The following LRP1B variants were observed in gnomAD, a reference collection of about 807,000 sequenced individuals.
LRP1B encodes the protein low-density lipoprotein receptor-related protein 1B.
A neutral mutation model predicts 556.6 loss-of-function variants in LRP1B; 217 were observed. That is an observed-to-expected ratio of 0.39 (90% CI 0.35 to 0.44). The LOEUF (loss-of-function observed/expected upper bound fraction) is 0.44, where lower values mean the gene tolerates loss of function less well. Ranked by LOEUF, LRP1B falls within the 20% of genes least tolerant of loss-of-function variation. The pLI, the probability that LRP1B is intolerant of heterozygous loss-of-function variation, is 1.00. For missense variants in LRP1B, 5,053 were observed against 5,620.8 expected (o/e 0.90, Z 3.23); for synonymous variants, 2,047 against 1,865.8 (o/e 1.10, Z -2.50).
chr2:141,564,593 C>T (rs1381371947), intron 2 of LRP1B, among the ~76,000 whole-genome samples: 1 of 152,024 alleles, frequency 6.6e-6, no homozygotes. Context: ...TGTAAATTCT[C>T]CTGTTATGAT....
intron 31 of LRP1B, among the ~76,000 whole-genome samples, chr2:140,835,310 A>G (rs1691861677): frequency 6.6e-6 from 1 of 152,194 alleles, no homozygotes; most frequent in South Asian, 2.1e-4. Flanking sequence ...AAAGGAAACT[A>G]AACGTCTGAC....
At chr2:140,386,479 T>A (rs1026520456) in intron 66 of LRP1B, among the ~76,000 whole-genome samples, 3 of 152,216 alleles carry the variant, frequency 2.0e-5, no homozygotes, top group African/African-American at 4.8e-5. Flanking sequence ...AACTGATCTG[T>A]GATTAGTTGT....
rs1204182654 is a variant in LRP1B at position 140,233,085 on chromosome 2, A to G, written c.*101T>C. On this transcript the variant is annotated 3_prime_UTR_variant, in exon 91 of 91. Transcript: ENST00000389484. ...AATTAACCAGGAAAAAGATAAAGAAAGAGGTAATGCTGATGCCAAAACAAG... is the reference window on the plus strand; with the variant it reads ...AATTAACCAGGAAAAAGATAAAGAAGGAGGTAATGCTGATGCCAAAACAAG... 1.4e-6 allele frequency: 1 copy of G among 691,602 alleles called. No homozygotes were observed. Among genetic ancestry groups the G allele is most frequent in the Non-Finnish European group, 2.1e-6 (1 of 468,656 alleles). The allele number at this position is 691,602 out of a possible 1,614,324, so 42.8% of individuals were successfully genotyped here.
chr2:140,434,060 TTTTATTTA>T (rs370242463), intron 66 of LRP1B, among the ~76,000 whole-genome samples: 3 of 151,688 alleles, frequency 2.0e-5, no homozygotes, highest in Non-Finnish European at 4.4e-5. Flanking sequence ...TCTTTCTTTC[TTTTATTTA>T]TTTATTTTTT....
chr2:140,907,013 C>T (rs1481466643), intron 22 of LRP1B, among the ~76,000 whole-genome samples: 1 of 150,626 alleles, frequency 6.6e-6, no homozygotes. Flanking sequence ...ATTCAGTATG[C>T]TATTAATGCT....
chr2:142,003,597 A>G (rs537080396), intron 1 of LRP1B, among the ~76,000 whole-genome samples: 13 of 152,298 alleles, frequency 8.5e-5, no homozygotes, highest in African/African-American at 2.9e-4. Context: ...TTAAAACTGA[A>G]CTTCGGGAAT....
chr2:141,171,408 C>T (rs1385677294), intron 7 of LRP1B, among the ~76,000 whole-genome samples: 1 of 152,094 alleles, frequency 6.6e-6, no homozygotes, highest in East Asian at 1.9e-4. Flanking sequence ...TTTTCCCTGT[C>T]CCAAAATGTC....
chr2:140,303,007 T>C (rs2105011116), intron 83 of LRP1B, among the ~76,000 whole-genome samples: 1 of 108,912 alleles, frequency 9.2e-6, no homozygotes, highest in South Asian at 3.4e-4. Flanking sequence ...ATTATAAATC[T>C]CCTTCATATA....
chr2:140,618,324 A>G (rs999628376), intron 41 of LRP1B, among the ~76,000 whole-genome samples: 2 of 152,086 alleles, frequency 1.3e-5, no homozygotes, highest in Non-Finnish European at 2.9e-5. Flanking sequence ...AAAGAGTCAC[A>G]AATATCAAAT....
At chr2:141,315,068 C>A (rs996167836) in intron 3 of LRP1B, among the ~76,000 whole-genome samples, 2 of 150,324 alleles carry the variant, frequency 1.3e-5, no homozygotes, top group South Asian at 4.2e-4. Context: ...CAGGTAGGGA[C>A]TATTACGGTA....
intron 43 of LRP1B, among the ~76,000 whole-genome samples, chr2:140,566,494 G>A (rs994960642): frequency 1.3e-5 from 2 of 152,078 alleles, no homozygotes; most frequent in African/African-American, 4.8e-5. Flanking sequence ...AGCTGGAGTT[G>A]AGCACTGCCT....
At chr2:140,832,815 G>C (rs1691763253) in intron 31 of LRP1B, among the ~76,000 whole-genome samples, 1 of 152,126 alleles carries the variant, frequency 6.6e-6, no homozygotes, top group African/African-American at 2.4e-5. Context: ...ATAAGATCTA[G>C]TGTTTGATAG....
intron 1 of LRP1B, among the ~76,000 whole-genome samples, chr2:141,988,746 G>A (rs1386032127): frequency 4.6e-5 from 7 of 151,880 alleles, no homozygotes; most frequent in Admixed American, 4.6e-4. Context: ...AGTTTTCTCT[G>A]ATTATAATCA....
intron 2 of LRP1B, among the ~76,000 whole-genome samples, chr2:141,590,614 G>A (rs188419771): frequency 1.3e-5 from 2 of 151,916 alleles, no homozygotes; most frequent in Non-Finnish European, 2.9e-5. Context: ...CCAGTTCCTC[G>A]CACTCATCAG....
intron 23 of LRP1B, among the ~76,000 whole-genome samples, chr2:140,899,280 T>A (rs577878599): frequency 2.0e-5 from 3 of 152,152 alleles, no homozygotes; most frequent in Non-Finnish European, 4.4e-5. Context: ...TTTTCAGGGC[T>A]CTTCTCAACT....
intron 3 of LRP1B, among the ~76,000 whole-genome samples, chr2:141,464,606 A>ATATATTTTTTTTTTTTTTTTTTTTTTTTT: frequency 1.1e-5 from 1 of 90,562 alleles, no homozygotes; most frequent in Non-Finnish European, 2.2e-5. Context: ...ATATATATAT[A>ATATATTTTTTTTTTTTTTTTTTTTTTTTT]TTTTTTTAGT....
chr2:141,415,692 C>A (rs1406108035), intron 3 of LRP1B, among the ~76,000 whole-genome samples: 1 of 152,034 alleles, frequency 6.6e-6, no homozygotes, highest in Non-Finnish European at 1.5e-5. Context: ...CAGAGGTGGC[C>A]AAATAGTTGC....
At chr2:140,264,901 G>A (rs1360910900) in intron 86 of LRP1B, among the ~76,000 whole-genome samples, 1 of 152,000 alleles carries the variant, frequency 6.6e-6, no homozygotes, top group African/African-American at 2.4e-5. Context: ...ACACATTTGG[G>A]TTCAGTGAGC....
At chr2:141,804,022 TTCC>T (rs1335117960) in intron 2 of LRP1B, among the ~76,000 whole-genome samples, 13 of 152,270 alleles carry the variant, frequency 8.5e-5, no homozygotes, top group African/African-American at 3.1e-4. Flanking sequence ...GATGCTTCTC[TTCC>T]TAGTACCCAA....
Sources: gnomAD v4.1 joint callset for allele counts (sites outside exome capture counted in the v4.1 genomes callset) on GRCh38, gnomAD v4.1.1 for gene constraint, MANE v1.5 for transcripts, NCBI Gene and HGNC (gene_info 2026-07-23, HGNC 2026-07-21) for gene names.